Variants in FRMD4A observed in about 807,000 individuals in gnomAD.
The protein encoded by FRMD4A is FERM domain-containing protein 4A.
Under a neutral mutation model 129.1 loss-of-function variants are expected in FRMD4A, and 29 were observed. The ratio of observed to expected loss-of-function variants is 0.22; its 90% CI spans 0.17 to 0.31. The LOEUF is 0.31. Ranked by LOEUF, FRMD4A falls within the 10% of genes least tolerant of loss-of-function variation. The probability of loss-of-function intolerance (pLI) is 1.00; values close to 1 mark genes in which losing one functional copy is unlikely to be tolerated. For missense variants in FRMD4A, 1,272 were observed against 1,375.8 expected (o/e 0.92, Z 1.19); for synonymous variants, 634 against 571.6 (o/e 1.11, Z -1.56).
intron 6 of FRMD4A, among the ~76,000 whole-genome samples, chr10:13,766,797 G>A (rs187456540): frequency 3.3e-5 from 5 of 152,260 alleles, no homozygotes; most frequent in South Asian, 2.1e-4. Context: ...AAAGCTGGCC[G>A]GGCACAGTGG....
rs200816805 is a variant in FRMD4A at position 13,693,855 on chromosome 10, C to G, written c.1117+43G>C. On this transcript the variant is annotated intron_variant, in intron 15 of 24. Coordinates refer to ENST00000357447, the MANE Select transcript of FRMD4A (RefSeq NM_018027.5). The stretch of plus-strand genomic sequence containing the variant: ...CCTTCCTGGGTCCCCTCTGGGGTCC[C>G]AGCCATGCTCAGGGGGCGTCCCTCC... The G allele has an allele frequency of 2.9e-4, 464 of 1,604,238 alleles. 1 individual carries two copies. Among genetic ancestry groups the G allele is most frequent in the Non-Finnish European group, 3.8e-4 (450 of 1,173,234 alleles).
intron 2 of FRMD4A, among the ~76,000 whole-genome samples, chr10:14,016,770 A>C (rs1417301201): frequency 1.3e-5 from 2 of 152,246 alleles, no homozygotes; most frequent in Non-Finnish European, 2.9e-5. Flanking sequence ...TGGAAACCTC[A>C]TGTGAAAATC....
intron 2 of FRMD4A, among the ~76,000 whole-genome samples, chr10:14,308,362 A>AT: frequency 6.6e-6 from 1 of 151,738 alleles, no homozygotes. Context: ...TCTTTGTTTC[A>AT]TTTTTTCTGG....
At chr10:13,900,353 T>C (rs1361853749) in intron 2 of FRMD4A, among the ~76,000 whole-genome samples, 1 of 152,206 alleles carries the variant, frequency 6.6e-6, no homozygotes, top group Non-Finnish European at 1.5e-5. Context: ...GGTTATGATT[T>C]TTCTTGGCTG....
At chr10:14,289,954 C>T (rs1355557479) in intron 2 of FRMD4A, among the ~76,000 whole-genome samples, 1 of 151,772 alleles carries the variant, frequency 6.6e-6, no homozygotes, top group East Asian at 1.9e-4. Flanking sequence ...TTTTTCTATA[C>T]ATTAATGATG....
Position 13,656,746 on chromosome 10 carries a change from G to C in FRMD4A, c.2843C>G (p.Thr948Ser). 6.3e-7 allele frequency: 1 copy of C among 1,598,492 alleles called. No homozygotes were observed. The highest frequency in any genetic ancestry group is 8.5e-7 in the Non-Finnish European group (1 of 1,173,614). The change falls in exon 22 of 25, where the codon ACC becomes AGC. Residue 948 changes from threonine to serine, a missense_variant. By Grantham distance (58) the Thr-to-Ser change is moderately conservative. Transcript: ENST00000357447. ...GCCGCTGTCCGAGGAGGTGGAGCTG[G>C]TGTGCGACAGGCGGCTGTGCTCCTT... ...SHKEHSRLSH[T>S]SSTSSDSGSQ... is the part of the protein sequence containing the mutation.
chr10:13,997,158 C>A (rs1204225107), intron 2 of FRMD4A, among the ~76,000 whole-genome samples: 2 of 151,326 alleles, frequency 1.3e-5, no homozygotes, highest in African/African-American at 4.9e-5. Flanking sequence ...TTTTTTTTTG[C>A]ATGGGTTGTG....
At chr10:13,677,456 G>A (rs1334380744) in intron 15 of FRMD4A, among the ~76,000 whole-genome samples, 4 of 152,088 alleles carry the variant, frequency 2.6e-5, no homozygotes, top group Admixed American at 6.6e-5. Context: ...AATTATTTTC[G>A]TAGCTGTTTC....
intron 12 of FRMD4A, among the ~76,000 whole-genome samples, chr10:13,734,520 CT>C (rs1315760892): frequency 2.0e-5 from 3 of 152,212 alleles, no homozygotes; most frequent in East Asian, 1.9e-4. Context: ...TCCCCTACCC[CT>C]GTCACTGTGA....
chr10:14,139,460 A>T (rs199862116), intron 2 of FRMD4A, among the ~76,000 whole-genome samples: 7 of 151,246 alleles, frequency 4.6e-5, no homozygotes, highest in African/African-American at 4.9e-5. Flanking sequence ...ATTTTTTTTA[A>T]TTTTTTTGAG....
chr10:14,101,940 A>T (rs907364909), intron 2 of FRMD4A, among the ~76,000 whole-genome samples: 7 of 152,160 alleles, frequency 4.6e-5, no homozygotes, highest in African/African-American at 4.8e-5. Context: ...GACCATCATT[A>T]CTCAGTTATT....
At chr10:13,648,452 C>T (rs927350063) in intron 24 of FRMD4A, among the ~76,000 whole-genome samples, 2 of 152,126 alleles carry the variant, frequency 1.3e-5, no homozygotes, top group African/African-American at 4.8e-5. Flanking sequence ...TCCACGTGGT[C>T]CTGGTGGTGC....
At chr10:13,930,277 G>A (rs558531427) in intron 2 of FRMD4A, among the ~76,000 whole-genome samples, 2 of 152,314 alleles carry the variant, frequency 1.3e-5, no homozygotes, top group South Asian at 2.1e-4. Flanking sequence ...CATCAAAGGC[G>A]TTCACTGCAT....
At chr10:14,274,731 G>A (rs940324512) in intron 2 of FRMD4A, among the ~76,000 whole-genome samples, 12 of 152,202 alleles carry the variant, frequency 7.9e-5, no homozygotes, top group Middle Eastern at 3.2e-3. Context: ...GATCATTAAT[G>A]TATTGCTCAG....
intron 2 of FRMD4A, among the ~76,000 whole-genome samples, chr10:14,270,739 A>AT (rs1344119807): frequency 6.6e-6 from 1 of 152,056 alleles, no homozygotes; most frequent in Non-Finnish European, 1.5e-5. Flanking sequence ...AAACAGAACG[A>AT]TTTTCCTGTG....
intron 12 of FRMD4A, among the ~76,000 whole-genome samples, chr10:13,716,749 A>G (rs2088848338): frequency 2.6e-5 from 4 of 152,192 alleles, no homozygotes; most frequent in African/African-American, 9.7e-5. Context: ...AGAGGTTAAC[A>G]AGTACTTGAC....
At chr10:14,021,274 T>C (rs1241075286) in intron 2 of FRMD4A, among the ~76,000 whole-genome samples, 1 of 151,938 alleles carries the variant, frequency 6.6e-6, no homozygotes, top group African/African-American at 2.4e-5. Context: ...ACATGGTGGC[T>C]CACACCTGTA....
chr10:13,843,522 T>C (rs564316190), intron 3 of FRMD4A, among the ~76,000 whole-genome samples: 6 of 152,216 alleles, frequency 3.9e-5, no homozygotes, highest in East Asian at 1.9e-4. Flanking sequence ...TTTGGAGATA[T>C]AGTCTCGCTC....
intron 2 of FRMD4A, among the ~76,000 whole-genome samples, chr10:14,035,283 G>C (rs1437288289): frequency 6.6e-6 from 1 of 151,826 alleles, no homozygotes. Context: ...GTGGTAGCAG[G>C]CATCTGTAAT....
Sources: allele counts gnomAD v4.1 joint callset (sites outside exome capture counted in the v4.1 genomes callset), GRCh38; gene constraint gnomAD v4.1.1; transcripts MANE v1.5; gene names NCBI Gene and HGNC (gene_info 2026-07-23, HGNC 2026-07-21).